PRTG: variants seen among roughly 807,000 people sequenced by gnomAD.
PRTG encodes protogenin.
Under a neutral mutation model 122.5 loss-of-function variants are expected in PRTG, and 67 were observed. The ratio of observed to expected loss-of-function variants is 0.55; its 90% confidence interval spans 0.45 to 0.67. The LOEUF is 0.67. PRTG is among the 30% of genes least tolerant of loss of function. PRTG has a pLI of 0.00. For missense variants in PRTG, 1,435 were observed against 1,415.4 expected (o/e 1.01, Z -0.22); for synonymous variants, 554 against 501.1 (o/e 1.11, Z -1.41).
intron 2 of PRTG, among the ~76,000 whole-genome samples, chr15:55,686,215 T>C (rs551776000): frequency 1.4e-4 from 21 of 152,304 alleles, no homozygotes; most frequent in African/African-American, 5.1e-4. Flanking sequence ...GTAAATATAA[T>C]GCTTGCTTTA....
At chr15:55,688,526 T>G (rs1327324798) in intron 2 of PRTG, among the ~76,000 whole-genome samples, 1 of 152,164 alleles carries the variant, frequency 6.6e-6, no homozygotes, top group African/African-American at 2.4e-5. Flanking sequence ...ACTGGACATC[T>G]TCGCCTGGAG....
chr15:55,687,213 G>C (rs1346105906), intron 2 of PRTG, among the ~76,000 whole-genome samples: 1 of 152,148 alleles, frequency 6.6e-6, no homozygotes, highest in Non-Finnish European at 1.5e-5. Context: ...TACCAAGACG[G>C]GGTGAGAAGA....
At chr15:55,742,692 G>A (rs2031651780) in intron 1 of PRTG, 146 bp downstream of exon 1, 1 of 962,540 alleles carries the variant, frequency 1.0e-6, no homozygotes, top group East Asian at 3.0e-5. Context: ...ACAGGCCGCA[G>A]GGCGAGAGCG....
At chr15:55,639,073 G>A (rs2059274745) in intron 13 of PRTG, among the ~76,000 whole-genome samples, 1 of 152,094 alleles carries the variant, frequency 6.6e-6, no homozygotes, top group African/African-American at 2.4e-5. Context: ...CTAAGCACAA[G>A]CAATTCTCCT....
At chr15:55,667,864 T>C (rs2059447550) in intron 11 of PRTG, among the ~76,000 whole-genome samples, 2 of 152,166 alleles carry the variant, frequency 1.3e-5, no homozygotes, top group South Asian at 4.1e-4. Context: ...GGCAGGTGGA[T>C]GGCTTGAGTC....
chr15:55,694,382 T>C (rs1235318534), intron 2 of PRTG, among the ~76,000 whole-genome samples: 1 of 152,196 alleles, frequency 6.6e-6, no homozygotes, highest in Non-Finnish European at 1.5e-5. Context: ...TTAATTTTTA[T>C]CTGCCTTTTT....
Position 55,672,601 on chromosome 15 carries a change from G to T in PRTG, c.1885C>A (p.Leu629Met). The T allele has an allele frequency of 1.2e-6, 2 of 1,613,812 alleles. No individual in the cohort carries two copies. Among genetic ancestry groups the T allele is most frequent in the Non-Finnish European group, 1.7e-6 (2 of 1,179,972 alleles). ...PKSPELHLEP[L>M]NCTTISVRWQ... Reference sequence around the variant, plus strand: ...CTCACAGAAATGGTGGTACAGTTCAGAGGCTCCAAATGCAACTCTGGAGAC... The same window carrying T: ...CTCACAGAAATGGTGGTACAGTTCATAGGCTCCAAATGCAACTCTGGAGAC... Residue 629 changes from leucine (L) to methionine (M), a missense_variant, in exon 11 of 20, where the codon CTG (leucine) becomes ATG (methionine). Leu to Met is a conservative substitution (Grantham distance 15, BLOSUM62 2). Transcript: ENST00000389286.
chr15:55,666,733 G>A (rs2059441371), intron 11 of PRTG, among the ~76,000 whole-genome samples: 1 of 152,156 alleles, frequency 6.6e-6, no homozygotes, highest in Non-Finnish European at 1.5e-5. Flanking sequence ...GCTCTCCTGG[G>A]AGGATAACAA....
At position 55,679,444 on chromosome 15, in the gene PRTG, A is replaced by G; in HGVS notation, c.975T>C (p.Ala325=). 1 of 1,605,474 alleles carries G rather than the reference A, an allele frequency of 6.2e-7. No individual in the cohort carries two copies. Among genetic ancestry groups the G allele is most frequent in the Non-Finnish European group, 8.5e-7 (1 of 1,174,822 alleles). ...TVAMATLTVL[A]PPSFVEWPES... ...CTGGCCATTCAACAAATGAAGGAGGAGCTATTTTTAAAGAAAAAAATGAAA... is the reference window on the plus strand; with the variant it reads ...CTGGCCATTCAACAAATGAAGGAGGGGCTATTTTTAAAGAAAAAAATGAAA... The change falls in exon 7 of 20, where the codon GCT becomes GCC. Residue 325 remains alanine, a splice_region_variant and synonymous_variant. Transcript: ENST00000389286.
chr15:55,627,502 T>G (rs939159968), intron 16 of PRTG, among the ~76,000 whole-genome samples: 91 of 149,272 alleles, frequency 6.1e-4, no homozygotes, highest in African/African-American at 2.0e-3. Flanking sequence ...GTTTTTTTTT[T>G]TTTTTTTTTT....
At chr15:55,680,701 T>A in intron 4 of PRTG, 73 bp from the exon 5 acceptor site, 1 of 1,009,862 alleles carries the variant, frequency 9.9e-7, no homozygotes, top group East Asian at 3.0e-5. Flanking sequence ...AGTGAGACAT[T>A]TATTCTTATC....
intron 11 of PRTG, among the ~76,000 whole-genome samples, 159 bp downstream of exon 11, chr15:55,672,286 A>G (rs1169584835): frequency 6.6e-6 from 1 of 152,240 alleles, no homozygotes; most frequent in Admixed American, 6.5e-5. Flanking sequence ...TCAAAGACCA[A>G]TCACTGACTT....
intron 2 of PRTG, among the ~76,000 whole-genome samples, chr15:55,724,969 T>C (rs1050608056): frequency 7.9e-5 from 12 of 152,020 alleles, no homozygotes; most frequent in Admixed American, 2.6e-4. Flanking sequence ...CTCAAAGCCA[T>C]AGGAAGAAAT....
rs869067847 is a variant in PRTG, at chr15:55,738,025, T to TAC, written c.397+2355_397+2356dup. Among the ~76,000 whole-genome samples the TAC allele has an allele frequency of 3.7e-3, 355 of 95,652 alleles. 3 individuals are homozygous for TAC. The highest frequency in any genetic ancestry group is 0.011 in the African/African-American group (266 of 24,992). The allele number at this position is 95,652 out of a possible 152,430, so 62.8% of individuals were successfully genotyped here. Reference sequence around the variant, plus strand: ...CTCTATATATATATATATATATATATACACACACACACACACACACACACA... The same window carrying TAC: ...CTCTATATATATATATATATATATATACACACACACACACACACACACACACA... On this transcript the variant is annotated intron_variant, in intron 2 of 19. Coordinates refer to ENST00000389286, the MANE Select transcript of PRTG (RefSeq NM_173814.6).
intron 14 of PRTG, among the ~76,000 whole-genome samples, chr15:55,638,189 G>A (rs1235023621): frequency 2.0e-5 from 3 of 152,140 alleles, no homozygotes; most frequent in Non-Finnish European, 4.4e-5. Flanking sequence ...TATTCATACA[G>A]AAATAACTTC....
In PRTG at chr15:55,615,154, C is replaced by T. The variant is rs1054805717; in HGVS notation, c.*4858G>A. The T allele has an allele frequency of 3.3e-5, 5 of 151,974 alleles. No individual in the cohort carries two copies. The highest frequency in any genetic ancestry group is 6.6e-5 in the Admixed American group (1 of 15,236). 9.4% of individuals were successfully genotyped at this position (151,974 alleles called of 1,614,324 possible). A position where few individuals can be genotyped will look rare whatever the true frequency, so the allele number is the denominator to read the frequency against. On this transcript the variant is annotated 3_prime_UTR_variant, in exon 20 of 20. Coordinates refer to ENST00000389286, the MANE Select transcript of PRTG (RefSeq NM_173814.6). ...GGCTTTGAAGATGGAAGGAGGGGTT[C>T]CCAGCCTTAAAAAACTAGAAAAGGA...
intron 2 of PRTG, among the ~76,000 whole-genome samples, chr15:55,738,002 C>CTCTA (rs1248440584): frequency 8.7e-4 from 84 of 96,666 alleles, no homozygotes; most frequent in Non-Finnish European, 1.3e-3. Flanking sequence ...CTCTCTCTCT[C>CTCTA]TATATATATA....
At chr15:55,642,608 A>AT (rs2059298637) in intron 11 of PRTG, among the ~76,000 whole-genome samples, 1 of 151,784 alleles carries the variant, frequency 6.6e-6, no homozygotes, top group South Asian at 2.1e-4. Context: ...AAAAAAAAAA[A>AT]AAAAAAAAGG....
At chr15:55,694,918 G>A (rs939499047) in intron 2 of PRTG, among the ~76,000 whole-genome samples, 3 of 152,048 alleles carry the variant, frequency 2.0e-5, no homozygotes, top group African/African-American at 7.2e-5. Context: ...CAGTGTTAAC[G>A]TAAACCAAGA....
Sources: allele counts gnomAD v4.1 joint callset (sites outside exome capture counted in the v4.1 genomes callset), GRCh38; gene constraint gnomAD v4.1.1; transcripts MANE v1.5; gene names NCBI Gene and HGNC (gene_info 2026-07-23, HGNC 2026-07-21).